Variants in ANKS1B observed in about 807,000 individuals in gnomAD.
ANKS1B encodes the protein ankyrin repeat and sterile alpha motif domain-containing protein 1B.
ANKS1B carries 36 observed loss-of-function variants against 148.3 expected under a neutral mutation model. The ratio of observed to expected loss-of-function variants is 0.24; its 90% confidence interval spans 0.19 to 0.32. The LOEUF (loss-of-function observed/expected upper bound fraction) is 0.32. ANKS1B is among the 10% of genes least tolerant of loss of function. The pLI, the probability that ANKS1B is intolerant of heterozygous loss-of-function variation, is 1.00. For missense variants in ANKS1B, 1,157 were observed against 1,542.6 expected (o/e 0.75, Z 4.19); for synonymous variants, 542 against 560.8 (o/e 0.97, Z 0.47).
intron 12 of ANKS1B, among the ~76,000 whole-genome samples, chr12:99,386,571 T>C (rs1160450344): frequency 2.0e-5 from 3 of 152,178 alleles, no homozygotes; most frequent in Admixed American, 1.3e-4. Flanking sequence ...ATTTTCAAAG[T>C]CAAGCCTTAG....
At chr12:99,543,820 A>G (rs2097149130) in intron 9 of ANKS1B, among the ~76,000 whole-genome samples, 1 of 152,172 alleles carries the variant, frequency 6.6e-6, no homozygotes. Flanking sequence ...ATAAAGGTGT[A>G]TGCCAACTTA....
chr12:99,360,705 A>T (rs943597602), intron 12 of ANKS1B, among the ~76,000 whole-genome samples: 3 of 152,138 alleles, frequency 2.0e-5, no homozygotes, highest in Non-Finnish European at 4.4e-5. Context: ...CAATGAAAAG[A>T]TGTGTGGAAT....
At chr12:99,377,854 T>C (rs2093454584) in intron 12 of ANKS1B, among the ~76,000 whole-genome samples, 1 of 152,204 alleles carries the variant, frequency 6.6e-6, no homozygotes, top group African/African-American at 2.4e-5. Flanking sequence ...AGAAATACAA[T>C]CTGATTCCTG....
chr12:99,917,919 G>A (rs552155852), intron 1 of ANKS1B, among the ~76,000 whole-genome samples: 1 of 152,378 alleles, frequency 6.6e-6, no homozygotes, highest in East Asian at 1.9e-4. Flanking sequence ...ATTATCGCCT[G>A]AGCGCTGTCT....
chr12:98,969,594 C>T (rs11109688), intron 17 of ANKS1B, among the ~76,000 whole-genome samples: 75,175 of 151,782 alleles, frequency 0.5, 20,349 homozygotes, highest in African/African-American at 0.73. Flanking sequence ...TTTGCTTACT[C>T]TTAAGTTCTT....
At chr12:98,870,899 T>C (rs1362858195) in intron 17 of ANKS1B, among the ~76,000 whole-genome samples, 1 of 152,220 alleles carries the variant, frequency 6.6e-6, no homozygotes, top group African/African-American at 2.4e-5. Flanking sequence ...GATGATTTTG[T>C]AAGAGGAGAC....
chr12:98,767,453 C>G (rs2098499955), intron 25 of ANKS1B, among the ~76,000 whole-genome samples: 2 of 150,666 alleles, frequency 1.3e-5, no homozygotes, highest in African/African-American at 4.9e-5. Flanking sequence ...CTTCAACATT[C>G]TCTACGCACT....
chr12:98,812,002 C>T lies in ANKS1B; in HGVS notation c.3067-4084G>A, dbSNP rs1405733082. Among the ~76,000 whole-genome samples the T allele has an allele frequency of 3.9e-5, 6 of 152,134 alleles. No homozygotes were observed. The South Asian group carries it at 6.3e-4, about 16-fold the overall frequency. On this transcript the variant is annotated intron_variant, in intron 19 of 26. Transcript: ENST00000683438. ...TCAATGAAGAATAAAGAACCTACCC[C>T]TAGTCATATACACTGAGAGTTCATA...
At chr12:99,709,661 G>C (rs2056352779) in intron 8 of ANKS1B, among the ~76,000 whole-genome samples, 1 of 151,998 alleles carries the variant, frequency 6.6e-6, no homozygotes, top group South Asian at 2.1e-4. Context: ...AGCAGATATA[G>C]GAGAGGTCAA....
intron 1 of ANKS1B, among the ~76,000 whole-genome samples, chr12:99,868,980 T>G (rs2153725666): frequency 6.6e-6 from 1 of 152,070 alleles, no homozygotes; most frequent in East Asian, 1.9e-4. Context: ...TAGCTTGAAC[T>G]CGGGAGGCAG....
At chr12:99,123,077 C>T (rs2063370573) in intron 15 of ANKS1B, among the ~76,000 whole-genome samples, 1 of 146,466 alleles carries the variant, frequency 6.8e-6, no homozygotes, top group East Asian at 2.0e-4. Flanking sequence ...CCCAAAAAAA[C>T]AAAAATAATT....
chr12:99,066,125 G>C, intron 16 of ANKS1B, among the ~76,000 whole-genome samples: 1 of 152,118 alleles, frequency 6.6e-6, no homozygotes, highest in East Asian at 1.9e-4. Flanking sequence ...AGACTAGCCT[G>C]AACAACATGG....
chr12:99,735,550 A>G (rs1393495486), intron 8 of ANKS1B, among the ~76,000 whole-genome samples: 1 of 152,172 alleles, frequency 6.6e-6, no homozygotes, highest in Non-Finnish European at 1.5e-5. Context: ...CAGCCTACCA[A>G]GAATAAATCA....
At chr12:99,865,075 GA>G (rs1229455126) in intron 1 of ANKS1B, among the ~76,000 whole-genome samples, 1 of 152,188 alleles carries the variant, frequency 6.6e-6, no homozygotes, top group Non-Finnish European at 1.5e-5. Flanking sequence ...GAAACTGACT[GA>G]AAGAGCCAGA....
chr12:99,714,339 A>G (rs1350033987), intron 8 of ANKS1B, among the ~76,000 whole-genome samples: 3 of 152,186 alleles, frequency 2.0e-5, no homozygotes, highest in Non-Finnish European at 4.4e-5. Flanking sequence ...ATCACCTGTG[A>G]AGCCCTTTTT....
chr12:98,745,709 G>A lies in ANKS1B; in HGVS notation c.*30C>T. ...TGCTCCGGGACCGCTTGGCGAGCAA[G>A]GCACCGCGAGGACAGGAGGACGGCG... On this transcript the variant is annotated 3_prime_UTR_variant, in exon 27 of 27. Coordinates refer to ENST00000683438, the MANE Select transcript of ANKS1B (RefSeq NM_001352186.2). 6.2e-7 allele frequency: 1 copy of A among 1,610,778 alleles called. No homozygotes were observed. Among genetic ancestry groups the A allele is most frequent in the South Asian group, 1.1e-5 (1 of 90,664 alleles).
intron 14 of ANKS1B, among the ~76,000 whole-genome samples, chr12:99,189,145 G>A (rs891769007): frequency 6.6e-6 from 1 of 152,162 alleles, no homozygotes; most frequent in Non-Finnish European, 1.5e-5. Context: ...AAACCAGGAA[G>A]AAGTCGAATC....
chr12:99,188,936 G>C (rs1306220381), intron 14 of ANKS1B, among the ~76,000 whole-genome samples: 1 of 151,948 alleles, frequency 6.6e-6, no homozygotes, highest in Non-Finnish European at 1.5e-5. Context: ...CAACAAAATA[G>C]ACCACTAGCC....
intron 14 of ANKS1B, among the ~76,000 whole-genome samples, chr12:99,204,769 A>T (rs996300157): frequency 1.3e-5 from 2 of 152,208 alleles, no homozygotes; most frequent in Non-Finnish European, 2.9e-5. Context: ...TGCTAAGGCA[A>T]AGAAACTCCT....
Sources: gnomAD v4.1 joint callset for allele counts (sites outside exome capture counted in the v4.1 genomes callset) on GRCh38, gnomAD v4.1.1 for gene constraint, MANE v1.5 for transcripts, NCBI Gene and HGNC (gene_info 2026-07-23, HGNC 2026-07-21) for gene names.